Variants in RBFOX1 observed in about 807,000 individuals in gnomAD.
RBFOX1 encodes the protein RNA binding fox-1 homolog 1.
In RBFOX1, 8 loss-of-function variants were observed where a neutral mutation model predicts 57.7. The observed-to-expected ratio is 0.14, with a 90% CI of 0.08 to 0.25. The LOEUF (loss-of-function observed/expected upper bound fraction) is 0.25. Among genes scored for constraint, RBFOX1 ranks in the 10% least tolerant of loss-of-function variants. RBFOX1 has a pLI of 1.00. For missense variants in RBFOX1, 611 were observed against 548.5 expected (o/e 1.11, Z -1.14); for synonymous variants, 326 against 222.4 (o/e 1.47, Z -4.15).
intron 3 of RBFOX1, among the ~76,000 whole-genome samples, chr16:7,023,161 A>C (rs1344142963): frequency 6.6e-6 from 1 of 152,090 alleles, no homozygotes; most frequent in Non-Finnish European, 1.5e-5. Flanking sequence ...GAGGCTGCAG[A>C]AGGAGGGAGG....
intron 4 of RBFOX1, among the ~76,000 whole-genome samples, chr16:5,879,245 C>G (rs546776623): frequency 1.2e-4 from 18 of 152,312 alleles, no homozygotes; most frequent in Admixed American, 9.1e-4. Context: ...TTCCAATGAG[C>G]AAATGCTGTG....
At chr16:7,538,249 T>A (rs137953782) in intron 5 of RBFOX1, among the ~76,000 whole-genome samples, 3 of 152,102 alleles carry the variant, frequency 2.0e-5, no homozygotes, top group African/African-American at 7.2e-5. Flanking sequence ...CTTTCATGAG[T>A]CCTTCCGCCA....
intron 4 of RBFOX1, among the ~76,000 whole-genome samples, chr16:7,067,358 T>C (rs1342216427): frequency 6.6e-6 from 1 of 152,082 alleles, no homozygotes; most frequent in Admixed American, 6.5e-5. Context: ...TGCAGTTCTT[T>C]AGGTCAGAAT....
At chr16:6,439,311 G>C (rs2094316708) in intron 2 of RBFOX1, among the ~76,000 whole-genome samples, 1 of 152,320 alleles carries the variant, frequency 6.6e-6, no homozygotes, top group East Asian at 1.9e-4. Flanking sequence ...ATCCACCCAT[G>C]TTAATGCAGA....
chr16:6,902,076 G>T (rs564862916), intron 3 of RBFOX1, among the ~76,000 whole-genome samples: 1 of 152,278 alleles, frequency 6.6e-6, no homozygotes, highest in East Asian at 1.9e-4. Flanking sequence ...CATACTTGAT[G>T]TCGGCATATA....
At chr16:6,497,836 C>A (rs777522511) in intron 2 of RBFOX1, among the ~76,000 whole-genome samples, 1 of 152,132 alleles carries the variant, frequency 6.6e-6, no homozygotes, top group African/African-American at 2.4e-5. Context: ...GTATTACAGG[C>A]GTGAGTCACC....
intron 2 of RBFOX1, among the ~76,000 whole-genome samples, chr16:6,429,020 C>CTGCT (rs1341200376): frequency 6.6e-6 from 1 of 152,196 alleles, no homozygotes; most frequent in Non-Finnish European, 1.5e-5. Context: ...TGACATGCAC[C>CTGCT]TGCTCTGTGC....
chr16:5,941,315 T>C (rs2059273060), intron 4 of RBFOX1, among the ~76,000 whole-genome samples: 1 of 151,796 alleles, frequency 6.6e-6, no homozygotes, highest in African/African-American at 2.4e-5. Flanking sequence ...CGTAGTGAGA[T>C]CTTATCTCTA....
chr16:5,868,314 TATTTATATCC>T (rs748335319), intron 4 of RBFOX1, among the ~76,000 whole-genome samples: 3,903 of 152,264 alleles, frequency 0.026, 149 homozygotes, highest in African/African-American at 0.087. Flanking sequence ...CATGTGGAGG[TATTTATATCC>T]TACTGCTCAA....
intron 4 of RBFOX1, among the ~76,000 whole-genome samples, chr16:7,195,689 A>G (rs1376762547): frequency 6.6e-6 from 1 of 152,104 alleles, no homozygotes; most frequent in Non-Finnish European, 1.5e-5. Context: ...AGTAGCTGGA[A>G]CTACAGGCCT....
At chr16:7,218,063 G>C (rs1000290671) in intron 4 of RBFOX1, among the ~76,000 whole-genome samples, 5 of 107,908 alleles carry the variant, frequency 4.6e-5, no homozygotes, top group Admixed American at 4.6e-4. Flanking sequence ...ATGCGTGTGC[G>C]TGTGTGTGTG....
At chr16:5,695,684 C>T (rs1246273752) in intron 3 of RBFOX1, among the ~76,000 whole-genome samples, 1 of 152,202 alleles carries the variant, frequency 6.6e-6, no homozygotes, top group Non-Finnish European at 1.5e-5. Context: ...TGCACCTTTG[C>T]ACCCTTTGAC....
intron 4 of RBFOX1, among the ~76,000 whole-genome samples, chr16:7,261,419 CTATTTGGTGCCT>C (rs2094914906): frequency 6.6e-6 from 1 of 152,146 alleles, no homozygotes; most frequent in African/African-American, 2.4e-5. Flanking sequence ...GGCCCAGCCT[CTATTTGGTGCCT>C]AATAGTTAAA....
chr16:6,526,514 T>A (rs931423247), intron 2 of RBFOX1, among the ~76,000 whole-genome samples: 2 of 152,030 alleles, frequency 1.3e-5, no homozygotes, highest in African/African-American at 4.8e-5. Flanking sequence ...TTATACACAA[T>A]ATCTCATTTA....
At chr16:7,406,580 A>T (rs557218195) in intron 4 of RBFOX1, among the ~76,000 whole-genome samples, 1 of 152,356 alleles carries the variant, frequency 6.6e-6, no homozygotes, top group East Asian at 1.9e-4. Context: ...ATTAAAAAAT[A>T]CAAACTTTCC....
intron 1 of RBFOX1, among the ~76,000 whole-genome samples, chr16:5,293,326 G>T (rs140108238): frequency 4.3e-4 from 65 of 152,042 alleles, no homozygotes; most frequent in Middle Eastern, 3.4e-3. Context: ...GCTGTGTTGA[G>T]ATTGGGGTTG....
chr16:7,477,790 T>TG (rs886476873), intron 4 of RBFOX1, among the ~76,000 whole-genome samples: 11 of 152,018 alleles, frequency 7.2e-5, no homozygotes, highest in Non-Finnish European at 1.5e-4. Flanking sequence ...ACCACACAGC[T>TG]GGGGGGAAGG....
At chr16:7,413,133 A>G (rs867083295) in intron 4 of RBFOX1, among the ~76,000 whole-genome samples, 15 of 152,138 alleles carry the variant, frequency 9.9e-5, no homozygotes, top group Middle Eastern at 6.8e-3. Flanking sequence ...AGTGATGGGG[A>G]AAAAAAATGT....
At chr16:5,761,712 A>C (rs2053599584) in intron 3 of RBFOX1, among the ~76,000 whole-genome samples, 1 of 152,204 alleles carries the variant, frequency 6.6e-6, no homozygotes, top group African/African-American at 2.4e-5. Flanking sequence ...GGGAGCTATA[A>C]TTCAAGATGA....
Sources: allele counts gnomAD v4.1 joint callset (sites outside exome capture counted in the v4.1 genomes callset), GRCh38; gene constraint gnomAD v4.1.1; transcripts MANE v1.5; gene names NCBI Gene and HGNC (gene_info 2026-07-23, HGNC 2026-07-21).